Variants in PPM1L observed in about 807,000 individuals in gnomAD.
PPM1L encodes the protein protein phosphatase 1L.
PPM1L carries 13 observed loss-of-function variants against 31.4 expected under a neutral mutation model. The ratio of observed to expected loss-of-function variants is 0.41; its 90% CI spans 0.27 to 0.66. The LOEUF is 0.66. Ranked by LOEUF, PPM1L falls within the 30% of genes least tolerant of loss-of-function variation. The probability of loss-of-function intolerance (pLI) is 0.29; values close to 1 mark genes in which losing one functional copy is unlikely to be tolerated. For synonymous variants in PPM1L, 184 were observed against 175.4 expected, an observed-to-expected ratio of 1.05 and a Z score of -0.39; for missense variants, 326 against 453.7, an observed-to-expected ratio of 0.72 and a Z score of 2.56.
intron 1 of PPM1L, among the ~76,000 whole-genome samples, chr3:160,944,843 A>ATATAACATATATGT (rs1559897100): frequency 3.9e-5 from 1 of 25,408 alleles, no homozygotes; most frequent in South Asian, 1.1e-3. Flanking sequence ...TATATATGTT[A>ATATAACATATATGT]TATATAACAT....
At chr3:161,043,037 G>A (rs1307163598) in intron 2 of PPM1L, among the ~76,000 whole-genome samples, 1 of 114,212 alleles carries the variant, frequency 8.8e-6, no homozygotes, top group Non-Finnish European at 1.7e-5. Flanking sequence ...AAAAAAAATT[G>A]TTATTTTTTT....
chr3:160,792,991 T>G (rs1243681625), intron 1 of PPM1L, among the ~76,000 whole-genome samples: 3 of 152,148 alleles, frequency 2.0e-5, no homozygotes, highest in African/African-American at 7.2e-5. Flanking sequence ...AGACTGGGGT[T>G]ATGGTTTTTT....
At chr3:160,811,425 G>T (rs1477243140) in intron 1 of PPM1L, among the ~76,000 whole-genome samples, 1 of 152,232 alleles carries the variant, frequency 6.6e-6, no homozygotes, top group Admixed American at 6.5e-5. Flanking sequence ...TTTTTGTATA[G>T]CCTCATGAGC....
chr3:161,030,287 C>T (rs753636587), intron 2 of PPM1L, among the ~76,000 whole-genome samples: 14 of 152,048 alleles, frequency 9.2e-5, no homozygotes, highest in Non-Finnish European at 1.3e-4. Flanking sequence ...TTTATGTCTT[C>T]GCCATGTAAG....
At chr3:160,758,904 AGAGTATTT>A (rs1391861033) in intron 1 of PPM1L, among the ~76,000 whole-genome samples, 1 of 152,246 alleles carries the variant, frequency 6.6e-6, no homozygotes, top group African/African-American at 2.4e-5. Flanking sequence ...TCTGAAAAAT[AGAGTATTT>A]GTTCTGTTCA....
chr3:160,862,662 GCA>G (rs6148164), intron 1 of PPM1L, among the ~76,000 whole-genome samples: 26,506 of 126,862 alleles, frequency 0.21, 2,432 homozygotes, highest in East Asian at 0.39. Flanking sequence ...CTAGGCACAC[GCA>G]CACACACACA....
At chr3:160,828,140 G>C (rs1055242596) in intron 1 of PPM1L, among the ~76,000 whole-genome samples, 6 of 152,018 alleles carry the variant, frequency 3.9e-5, no homozygotes, top group Non-Finnish European at 5.9e-5. Context: ...TTGAGGGGTG[G>C]GGAGTGGGGA....
At chr3:160,869,911 A>G (rs780386132) in intron 1 of PPM1L, among the ~76,000 whole-genome samples, 4 of 152,144 alleles carry the variant, frequency 2.6e-5, no homozygotes, top group Non-Finnish European at 5.9e-5. Context: ...TTGCTATGGG[A>G]TGCTTTAGTC....
chr3:160,833,172 G>A (rs145253103), intron 1 of PPM1L, among the ~76,000 whole-genome samples: 1,758 of 152,240 alleles, frequency 0.012, 30 homozygotes, highest in African/African-American at 0.04. Flanking sequence ...TCTATCATTG[G>A]TGGACATTTA....
intron 1 of PPM1L, among the ~76,000 whole-genome samples, chr3:160,786,149 C>CTGTGTGTGTGTG (rs1560106662): frequency 1.1e-5 from 1 of 89,066 alleles, no homozygotes; most frequent in Non-Finnish European, 1.9e-5. Context: ...CTCTCTCTCT[C>CTGTGTGTGTGTG]TCTCTCTCTG....
At chr3:160,866,562 C>A (rs1277198091) in intron 1 of PPM1L, among the ~76,000 whole-genome samples, 1 of 152,056 alleles carries the variant, frequency 6.6e-6, no homozygotes, top group African/African-American at 2.4e-5. Context: ...TGATATATAT[C>A]ATCACATAAG....
At chr3:161,005,573 A>C (rs1717677685) in intron 2 of PPM1L, among the ~76,000 whole-genome samples, 1 of 152,150 alleles carries the variant, frequency 6.6e-6, no homozygotes, top group Non-Finnish European at 1.5e-5. Flanking sequence ...GCCTGCGTTT[A>C]AATTCTGGCT....
At chr3:160,842,815 C>T (rs971161200) in intron 1 of PPM1L, among the ~76,000 whole-genome samples, 2 of 152,110 alleles carry the variant, frequency 1.3e-5, no homozygotes, top group Non-Finnish European at 2.9e-5. Context: ...CAAACCTGGC[C>T]TGCGGAGGAT....
At chr3:160,893,188 G>T (rs1461946070) in intron 1 of PPM1L, among the ~76,000 whole-genome samples, 1 of 152,062 alleles carries the variant, frequency 6.6e-6, no homozygotes, top group Non-Finnish European at 1.5e-5. Context: ...TCATCAAATT[G>T]CACATACTTC....
chr3:161,049,603 T>G (rs1051258969), intron 2 of PPM1L, among the ~76,000 whole-genome samples: 10 of 152,222 alleles, frequency 6.6e-5, no homozygotes, highest in Non-Finnish European at 5.9e-5. Flanking sequence ...TTGGTGAGCT[T>G]CTTATTCCAT....
chr3:160,930,081 C>G (rs1714733389), intron 1 of PPM1L, among the ~76,000 whole-genome samples: 1 of 152,184 alleles, frequency 6.6e-6, no homozygotes, highest in Admixed American at 6.5e-5. Flanking sequence ...CTCAGAAACT[C>G]TCCCTTGATT....
chr3:160,914,932 C>T (rs1560149585), intron 1 of PPM1L, among the ~76,000 whole-genome samples: 1 of 152,086 alleles, frequency 6.6e-6, no homozygotes, highest in Non-Finnish European at 1.5e-5. Context: ...CCTATTTCTC[C>T]ACATCCTCTC....
chr3:161,004,968 G>T (rs1335689534), intron 2 of PPM1L, among the ~76,000 whole-genome samples: 1 of 152,046 alleles, frequency 6.6e-6, no homozygotes, highest in African/African-American at 2.4e-5. Context: ...GCTTTCTGTT[G>T]TGGGCATTTA....
chr3:160,935,297 G>A (rs1381233456), intron 1 of PPM1L, among the ~76,000 whole-genome samples: 1 of 152,174 alleles, frequency 6.6e-6, no homozygotes, highest in Admixed American at 6.5e-5. Context: ...TTTCGATTCT[G>A]ATCTGTTGCT....
Sources: gnomAD v4.1 joint callset for allele counts (sites outside exome capture counted in the v4.1 genomes callset) on GRCh38, gnomAD v4.1.1 for gene constraint, MANE v1.5 for transcripts, NCBI Gene and HGNC (gene_info 2026-07-23, HGNC 2026-07-21) for gene names.